Variants in USHBP1 observed in about 807,000 individuals in gnomAD.
USHBP1 encodes USH1 protein network component harmonin binding protein 1, also known as harmonin-binding protein USHBP1.
USHBP1 carries 67 observed loss-of-function variants against 76.2 expected under a neutral mutation model. The observed-to-expected ratio is 0.88, with a 90% CI of 0.72 to 1.08. The LOEUF is 1.08. Among genes scored for constraint, USHBP1 ranks in the 50% least tolerant of loss-of-function variants. USHBP1 has a pLI of 0.00. For missense variants in USHBP1, 931 were observed against 915.0 expected, an observed-to-expected ratio of 1.02 and a Z score of -0.23; for synonymous variants, 322 against 362.2, an observed-to-expected ratio of 0.89 and a Z score of 1.26.
At chr19:17,263,642 G>T (rs559089192) in intron 3 of USHBP1, 1 of 187,132 alleles carries the variant, frequency 5.3e-6, no homozygotes, top group East Asian at 1.4e-4. Context: ...ACTTTTGGAG[G>T]CCAAAGTTGG....
intron 3 of USHBP1, chr19:17,263,471 A>G (rs2145597075): frequency 6.3e-6 from 1 of 159,998 alleles, no homozygotes; most frequent in Non-Finnish European, 1.4e-5. Context: ...TTCAAGGAAG[A>G]GGCTAGATAG....
At chr19:17,251,010 G>A (rs1226409821) in intron 12 of USHBP1, among the ~76,000 whole-genome samples, 2 of 152,008 alleles carry the variant, frequency 1.3e-5, no homozygotes, top group African/African-American at 4.8e-5. Flanking sequence ...ACAGGCATGC[G>A]CCACCACGCC....
Position 17,259,904 on chromosome 19 carries a change from T to TC in USHBP1, c.760dup (p.Glu254GlyfsTer36), listed in dbSNP as rs2073667610. On this transcript the variant is annotated frameshift_variant, in exon 5 of 13. Transcript: ENST00000252597. LOFTEE classifies it high-confidence loss of function. ...TGAACTTCTCGCACTCACCTGAGTC[T>TC]CCCAGGGTTCCCTGTCTGCCTCAGA... The TC allele has an allele frequency of 4.3e-6, 7 of 1,613,630 alleles. No homozygotes were observed. Among genetic ancestry groups the TC allele is most frequent in the Non-Finnish European group, 5.9e-6 (7 of 1,179,656 alleles).
Position 17,258,337 on chromosome 19 carries a change from G to A in USHBP1, c.1095C>T (p.Ala365=), listed in dbSNP as rs774575490. ...GGGCTTCGTCTCCTGCTCCTGAGTC[G>A]GCCTCCCGCAGAGCAAGCAGAACCC... The part of the protein sequence containing the change: ...AYRVLLALRE[A]DSGAGDEAPM... The change falls in exon 8 of 13, where the codon GCC becomes GCT. Residue 365 remains alanine (A), a synonymous_variant. Coordinates refer to ENST00000252597, the MANE Select transcript of USHBP1 (RefSeq NM_031941.4). The A allele has an allele frequency of 5.1e-5, 82 of 1,613,942 alleles. No individual in the cohort carries two copies. The Middle Eastern group carries it at 6.6e-4, about 13-fold the overall frequency.
At chr19:17,261,374 C>T (rs1455162726) in intron 4 of USHBP1, among the ~76,000 whole-genome samples, 3 of 128,612 alleles carry the variant, frequency 2.3e-5, no homozygotes, top group African/African-American at 6.1e-5. Context: ...TTTCTTCTGT[C>T]GCCCAGGCTG....
At chr19:17,255,251 C>T (rs1456042021) in intron 10 of USHBP1, 134 bp downstream of exon 10, 5 of 993,736 alleles carry the variant, frequency 5.0e-6, no homozygotes, top group Middle Eastern at 2.4e-4. Context: ...GAGATTGCAA[C>T]ATTGCATTCC....
chr19:17,250,412 GC>G lies in USHBP1; in HGVS notation c.1924del (p.Ala642ProfsTer80). 2 of 1,611,522 alleles carry G rather than the reference GC, an allele frequency of 1.2e-6. No homozygotes were observed. Among genetic ancestry groups the G allele is most frequent in the Non-Finnish European group, 1.7e-6 (2 of 1,179,620 alleles). ...LNRDLCKAHS[A>X]LVLAFRGAHR... The stretch of plus-strand genomic sequence containing the variant: ...GGCTCCTCGGAAGGCCAGGACCAGG[GC>G]GCTGGAAGGGGTGGGTGGCTGGGTC... On this transcript the variant is annotated frameshift_variant and splice_region_variant, in exon 13 of 13. Transcript: ENST00000252597. LOFTEE classifies it low-confidence loss of function (END_TRUNC).
At chr19:17,259,022 G>T (rs1010774248) in intron 7 of USHBP1, among the ~76,000 whole-genome samples, 1 of 151,652 alleles carries the variant, frequency 6.6e-6, no homozygotes, top group East Asian at 2.0e-4. Context: ...AAAATTAGCT[G>T]GCTATGGTGG....
intron 9 of USHBP1, 39 bp downstream of exon 9, chr19:17,256,432 C>T: frequency 6.2e-7 from 1 of 1,608,344 alleles, no homozygotes; most frequent in Non-Finnish European, 8.5e-7. Context: ...TTTTGTCCCA[C>T]CAAGAAAGAC....
Position 17,258,537 on chromosome 19 carries a change from C to T in USHBP1, c.1047-152G>A, listed in dbSNP as rs575955791. ...CAGCCTGACCAACATGGTGAAACCC[C>T]GTCTCTACTAAAAAGACAAAGATTA... is the stretch of plus-strand genomic sequence containing the variant. On this transcript the variant is annotated intron_variant, in intron 7 of 12. Transcript: ENST00000252597. 28 of 747,984 alleles carry T rather than the reference C, an allele frequency of 3.7e-5. No homozygotes were observed. In the Middle Eastern group the frequency reaches 1.2e-3, roughly 32 times the overall value. The allele number at this position is 747,984 out of a possible 1,614,324, so 46.3% of individuals were successfully genotyped here.
At position 17,255,421 on chromosome 19, in the gene USHBP1, T is replaced by C. The variant is rs1396476111; in HGVS notation, c.1656A>G (p.Gly552=). 6.2e-7 allele frequency: 1 copy of C among 1,614,050 alleles called. No homozygotes were observed. The highest frequency in any genetic ancestry group is 1.1e-5 in the South Asian group (1 of 91,078). ...CTTCCTCGTCCCCGCTGCTGCCACC[T>C]CCGCTGCTATGTCCGCCACTGCTGT... The part of the protein sequence containing the change: ...GANSSGGHSS[G]GGSSGDEEEW... Residue 552 remains glycine, a synonymous_variant, in exon 10 of 13, where the codon GGA becomes GGG. Transcript: ENST00000252597.
chr19:17,250,428 G>C lies in USHBP1; in HGVS notation c.1923-14C>G, dbSNP rs2073536004. On this transcript the variant is annotated splice_polypyrimidine_tract_variant and intron_variant, in intron 12 of 12. Transcript: ENST00000252597. ...AGGACCAGGGCGCTGGAAGGGGTGG[G>C]TGGCTGGGTCAGGAAACAGCCCCCG... is the stretch of plus-strand genomic sequence containing the variant. The C allele has an allele frequency of 6.2e-7, 1 of 1,608,288 alleles. No individual in the cohort carries two copies. The highest frequency in any genetic ancestry group is 8.5e-7 in the Non-Finnish European group (1 of 1,179,114).
intron 10 of USHBP1, among the ~76,000 whole-genome samples, chr19:17,253,288 A>AT (rs201804797): frequency 1.4e-5 from 2 of 140,294 alleles, no homozygotes; most frequent in Admixed American, 7.4e-5. Context: ...GACAGTAATA[A>AT]TTTTTTTTTC....
intron 7 of USHBP1, chr19:17,258,614 C>A: frequency 2.2e-6 from 1 of 447,100 alleles, no homozygotes; most frequent in Non-Finnish European, 4.0e-6. Flanking sequence ...GAGGCTGAGG[C>A]AGGAGAATCA....
intron 5 of USHBP1, 32 bp from the exon 6 acceptor site, chr19:17,259,764 A>G (rs772093214): frequency 2.6e-5 from 42 of 1,589,014 alleles, no homozygotes; most frequent in African/African-American, 5.4e-5. Context: ...ACTGACCCCA[A>G]TTGTCACCAA....
At chr19:17,258,158 C>A (rs1477225542) in intron 8 of USHBP1, 54 bp downstream of exon 8, 2 of 1,607,382 alleles carry the variant, frequency 1.2e-6, no homozygotes, top group Admixed American at 3.3e-5. Flanking sequence ...CCCCATCCCC[C>A]AGTCAAGACC....
intron 10 of USHBP1, among the ~76,000 whole-genome samples, chr19:17,254,727 G>A (rs1599468032): frequency 1.3e-5 from 2 of 151,576 alleles, no homozygotes. Flanking sequence ...ATCGTGGCTC[G>A]CTGAAGCCTC....
Position 17,264,070 on chromosome 19 carries a change from A to G in USHBP1, c.135T>C (p.Pro45=). 1.2e-6 allele frequency: 2 copies of G among 1,613,810 alleles called. No homozygotes were observed. Among genetic ancestry groups the G allele is most frequent in the Non-Finnish European group, 1.7e-6 (2 of 1,179,874 alleles). ...SGSSKPSFAP[P]PVSSGLEQLG... ...GCTGCTCCAGCCCGGAGCTCACCGG[A>G]GGTGGGGCAAAGCTGGGCTTGGAGC... Residue 45 remains proline, a synonymous_variant, in exon 3 of 13, where the codon CCT becomes CCC. Coordinates refer to ENST00000252597, the MANE Select transcript of USHBP1 (RefSeq NM_031941.4).
At chr19:17,259,524 A>G in intron 6 of USHBP1, 72 bp downstream of exon 6, 1 of 1,605,764 alleles carries the variant, frequency 6.2e-7, no homozygotes. Context: ...TTGCAGCTTC[A>G]GACTCCTGGC....
Sources: gnomAD v4.1 joint callset for allele counts (sites outside exome capture counted in the v4.1 genomes callset) on GRCh38, gnomAD v4.1.1 for gene constraint, MANE v1.5 for transcripts, NCBI Gene and HGNC (gene_info 2026-07-23, HGNC 2026-07-21) for gene names.